The following PLXNC1 variants were observed in gnomAD, a reference collection of about 807,000 sequenced individuals.
The protein encoded by PLXNC1 is plexin C1.
A neutral mutation model predicts 178.2 loss-of-function variants in PLXNC1; 75 were observed. That is an observed-to-expected ratio of 0.42 (90% confidence interval 0.35 to 0.51). The LOEUF (loss-of-function observed/expected upper bound fraction) is 0.51. Among genes scored for constraint, PLXNC1 ranks in the 20% least tolerant of loss-of-function variants. The pLI, the probability that PLXNC1 is intolerant of heterozygous loss-of-function variation, is 0.02. For missense variants in PLXNC1, 1,503 were observed against 1,984.4 expected (o/e 0.76, Z 4.61); for synonymous variants, 790 against 779.9 (o/e 1.01, Z -0.22).
At chr12:94,165,016 A>C (rs1164082070) in intron 1 of PLXNC1, among the ~76,000 whole-genome samples, 1 of 152,216 alleles carries the variant, frequency 6.6e-6, no homozygotes, top group African/African-American at 2.4e-5. Context: ...CATCATTACA[A>C]GGCATTAACC....
intron 4 of PLXNC1, among the ~76,000 whole-genome samples, chr12:94,202,506 T>G (rs1403350881): frequency 2.0e-5 from 3 of 152,166 alleles, no homozygotes; most frequent in Non-Finnish European, 4.4e-5. Context: ...TAGGAGCATG[T>G]GTAAATGTCA....
chr12:94,186,146 T>A, intron 3 of PLXNC1: 1 of 426,232 alleles, frequency 2.3e-6, no homozygotes, highest in Non-Finnish European at 4.3e-6. Context: ...TTAGCGAGAG[T>A]CTCTGCGGCA....
At chr12:94,249,089 C>A (rs2054724) in intron 14 of PLXNC1, among the ~76,000 whole-genome samples, 9,892 of 152,102 alleles carry the variant, frequency 0.065, 356 homozygotes, top group East Asian at 0.11. Flanking sequence ...AAAGACAATG[C>A]AAAAGAACTT....
At chr12:94,297,061 A>G in intron 24 of PLXNC1, 128 bp from the exon 25 acceptor site, 1 of 805,490 alleles carries the variant, frequency 1.2e-6, no homozygotes, top group Non-Finnish European at 2.1e-6. Flanking sequence ...AGCTATGGAG[A>G]GCTCAAGTCA....
In PLXNC1 at chr12:94,181,430, T is replaced by TA; in HGVS notation, c.1204-16_1204-15insA. 2 of 1,476,990 alleles carry TA rather than the reference T, an allele frequency of 1.4e-6. No individual in the cohort carries two copies. Among genetic ancestry groups the TA allele is most frequent in the Non-Finnish European group, 9.3e-7 (1 of 1,080,930 alleles). 91.5% of individuals were successfully genotyped at this position (1,476,990 alleles called of 1,614,324 possible). On this transcript the variant is annotated splice_polypyrimidine_tract_variant and intron_variant, in intron 2 of 30. Coordinates refer to ENST00000258526, the MANE Select transcript of PLXNC1 (RefSeq NM_005761.3). ...TAAATAGAAATCATGTTTCTCTTTT[T>TA]GAAAAAAAAAAATAGGTTATTCTTG...
chr12:94,296,275 C>T (rs1054332677), intron 24 of PLXNC1, among the ~76,000 whole-genome samples: 1 of 152,182 alleles, frequency 6.6e-6, no homozygotes, highest in African/African-American at 2.4e-5. Flanking sequence ...ATCCTCCCAC[C>T]TCAGCCTCCC....
chr12:94,268,119 GC>G (rs1281228048), intron 21 of PLXNC1, among the ~76,000 whole-genome samples: 3 of 152,146 alleles, frequency 2.0e-5, no homozygotes, highest in African/African-American at 7.2e-5. Context: ...TGGAAAAAAG[GC>G]CCCCACACTC....
At chr12:94,214,071 G>A (rs377617858) in intron 5 of PLXNC1, among the ~76,000 whole-genome samples, 2 of 146,806 alleles carry the variant, frequency 1.4e-5, no homozygotes, top group Non-Finnish European at 3.0e-5. Flanking sequence ...ATGGTTCCTA[G>A]AGGAGAGACA....
At chr12:94,280,813 G>C (rs1171671333) in intron 22 of PLXNC1, among the ~76,000 whole-genome samples, 1 of 152,210 alleles carries the variant, frequency 6.6e-6, no homozygotes, top group African/African-American at 2.4e-5. Context: ...TGAGTAGGTA[G>C]TAGCATCCTT....
chr12:94,272,297 C>T (rs540955664), intron 21 of PLXNC1: 1 of 152,392 alleles, frequency 6.6e-6, no homozygotes, highest in Non-Finnish European at 1.5e-5. Context: ...GGTAGAGCAG[C>T]TGCTCCTCTC....
At position 94,149,738 on chromosome 12, in the gene PLXNC1, G is replaced by A; in HGVS notation, c.767G>A (p.Gly256Asp). The change falls in exon 1 of 31, where the codon GGC becomes GAC. Residue 256 changes from glycine to aspartate, a missense_variant. By Grantham distance (94) the Gly-to-Asp change is moderately conservative. Transcript: ENST00000258526. ...FPYYPYNYTS[G>D]AATGWPSMAR... is the part of the protein sequence containing the mutation. ...TACTACCCCTACAACTACACGAGCG[G>A]CGCTGCCACCGGCTGGCCCAGCATG... 6.2e-7 allele frequency: 1 copy of A among 1,611,780 alleles called. No homozygotes were observed. Among genetic ancestry groups the A allele is most frequent in the Non-Finnish European group, 8.5e-7 (1 of 1,179,498 alleles).
intron 11 of PLXNC1, among the ~76,000 whole-genome samples, chr12:94,241,990 G>A (rs67158645): frequency 0.13 from 17,834 of 137,308 alleles, 1,179 homozygotes; most frequent in African/African-American, 0.21. Context: ...AAAAAAAAAA[G>A]AAGAAGAAGA....
At chr12:94,175,713 G>A (rs957573097) in intron 2 of PLXNC1, among the ~76,000 whole-genome samples, 8 of 152,348 alleles carry the variant, frequency 5.3e-5, no homozygotes, top group East Asian at 3.9e-4. Context: ...TGCTAATAGC[G>A]TCGTTTTTCA....
At chr12:94,219,489 A>G (rs1252307131) in intron 5 of PLXNC1, among the ~76,000 whole-genome samples, 2 of 152,226 alleles carry the variant, frequency 1.3e-5, no homozygotes, top group African/African-American at 2.4e-5. Flanking sequence ...GAACAATTTT[A>G]TATTTGTCCA....
chr12:94,296,064 G>C (rs1010706729), intron 24 of PLXNC1, among the ~76,000 whole-genome samples: 2 of 152,000 alleles, frequency 1.3e-5, no homozygotes, highest in African/African-American at 4.8e-5. Context: ...CAACCTTCTT[G>C]GTATCCTTAC....
chr12:94,273,499 C>T (rs12582795), intron 21 of PLXNC1, among the ~76,000 whole-genome samples: 26,918 of 152,086 alleles, frequency 0.18, 2,578 homozygotes, highest in Admixed American at 0.23. Context: ...AATTCAAATG[C>T]TGCCTCCTCC....
intron 21 of PLXNC1, 45 bp downstream of exon 21, chr12:94,265,270 G>A: frequency 6.4e-7 from 1 of 1,558,010 alleles, no homozygotes; most frequent in Non-Finnish European, 8.8e-7. Flanking sequence ...AAATAAATCT[G>A]GCGGGGAATT....
chr12:94,222,176 T>C (rs1171963175), intron 6 of PLXNC1, among the ~76,000 whole-genome samples: 1 of 152,230 alleles, frequency 6.6e-6, no homozygotes, highest in Non-Finnish European at 1.5e-5. Flanking sequence ...CTTGCTCACC[T>C]ATAAAATATG....
intron 1 of PLXNC1, among the ~76,000 whole-genome samples, chr12:94,160,337 G>A (rs563439878): frequency 2.1e-4 from 32 of 152,258 alleles, no homozygotes; most frequent in Non-Finnish European, 3.1e-4. Context: ...AGATGAGTGC[G>A]TCCAAGAGGA....
Sources: gnomAD v4.1 joint callset for allele counts (sites outside exome capture counted in the v4.1 genomes callset) on GRCh38, gnomAD v4.1.1 for gene constraint, MANE v1.5 for transcripts, NCBI Gene and HGNC (gene_info 2026-07-23, HGNC 2026-07-21) for gene names.